The following FCMR variants were observed in gnomAD, a reference collection of about 807,000 sequenced individuals.
FCMR encodes Fc mu receptor.
Under a neutral mutation model 41.6 loss-of-function variants are expected in FCMR, and 34 were observed. That is an observed-to-expected ratio of 0.82 (90% CI 0.62 to 1.09). FCMR has a LOEUF of 1.09. Among genes scored for constraint, FCMR ranks in the 50% least tolerant of loss-of-function variants. FCMR has a pLI of 0.00. For synonymous variants in FCMR, 209 were observed against 211.8 expected, an observed-to-expected ratio of 0.99 and a Z score of 0.12; for missense variants, 496 against 512.5, an observed-to-expected ratio of 0.97 and a Z score of 0.31.
chr1:206,914,778 C>T (rs902955321), intron 1 of FCMR, among the ~76,000 whole-genome samples: 1 of 152,100 alleles, frequency 6.6e-6, no homozygotes, highest in African/African-American at 2.4e-5. Flanking sequence ...CATCCCCAAC[C>T]CTATTCACAA....
chr1:206,915,160 C>T (rs1244000338), intron 1 of FCMR, among the ~76,000 whole-genome samples: 1 of 152,232 alleles, frequency 6.6e-6, no homozygotes, highest in African/African-American at 2.4e-5. Context: ...AAGCAGCCGG[C>T]ATCCCTCCCT....
At chr1:206,914,577 G>C (rs901389782) in intron 1 of FCMR, among the ~76,000 whole-genome samples, 4 of 151,710 alleles carry the variant, frequency 2.6e-5, no homozygotes, top group African/African-American at 9.7e-5. Context: ...GACTACAGGT[G>C]CATGCTGCCA....
rs942117510 is a variant in FCMR, at chr1:206,910,579, T to C, written c.711-239A>G. 3.3e-5 allele frequency among the ~76,000 whole-genome samples: 5 copies of C among 152,184 alleles called. No homozygotes were observed. In the East Asian group the frequency reaches 9.6e-4, roughly 29 times the overall value. Reference sequence around the variant, plus strand: ...TCTCGAACGAGTCTCCTAACCTCTCTGAGCCTTATCTCTCCATAAATAGGT... The same window carrying C: ...TCTCGAACGAGTCTCCTAACCTCTCCGAGCCTTATCTCTCCATAAATAGGT... On this transcript the variant is annotated intron_variant, in intron 4 of 7. Coordinates refer to ENST00000367091, the MANE Select transcript of FCMR (RefSeq NM_005449.5).
At chr1:206,905,223 G>A in intron 7 of FCMR, 76 bp from the exon 8 acceptor site, 1 of 1,523,696 alleles carries the variant, frequency 6.6e-7, no homozygotes, top group South Asian at 1.2e-5. Flanking sequence ...TTTTCATAGT[G>A]GGCAATGGGG....
chr1:206,905,822 G>A (rs762635741), intron 7 of FCMR: 1 of 162,042 alleles, frequency 6.2e-6, no homozygotes, highest in East Asian at 1.8e-4. Flanking sequence ...CCAGCAGCCT[G>A]AATATAGTAG....
Position 206,907,494 on chromosome 1 carries a change from C to A in FCMR, c.1044+1968G>T, listed in dbSNP as rs1437072426. On this transcript the variant is annotated intron_variant, in intron 7 of 7. Transcript: ENST00000367091. ...CCACCTCTTCCTGTCCCTGTCTGAG[C>A]CTTTATTTGGGGAGGGGGAAGTAGG... The A allele has an allele frequency of 1.2e-5, 5 of 420,898 alleles. No individual in the cohort carries two copies. The East Asian group carries it at 2.9e-4, about 25-fold the overall frequency. 26.1% of individuals were successfully genotyped at this position (420,898 alleles called of 1,614,324 possible).
Position 206,913,887 on chromosome 1 carries a change from G to A in FCMR, c.245C>T (p.Pro82Leu). Reference sequence around the variant, plus strand: ...CTCCACTAGGAACAGATTCTTGCGTGGGTATTGCTTCAGAGTAACTCGGCC... The same window carrying A: ...CTCCACTAGGAACAGATTCTTGCGTAGGTATTGCTTCAGAGTAACTCGGCC... ...YKGRVTLKQY[P>L]RKNLFLVEVT... The change falls in exon 2 of 8, where the codon CCA (proline) becomes CTA (leucine). Residue 82 changes from proline to leucine, a missense_variant. Pro to Leu is a moderately conservative substitution (Grantham distance 98). Transcript: ENST00000367091. The A allele has an allele frequency of 6.2e-7, 1 of 1,614,206 alleles. No individual in the cohort carries two copies. The highest frequency in any genetic ancestry group is 8.5e-7 in the Non-Finnish European group (1 of 1,180,022).
chr1:206,909,931 C>G lies in FCMR; in HGVS notation c.842-63G>C, dbSNP rs1678851829. 1 of 1,361,956 alleles carries G rather than the reference C, an allele frequency of 7.3e-7. No individual in the cohort carries two copies. The highest frequency in any genetic ancestry group is 9.5e-7 in the Non-Finnish European group (1 of 1,057,336). The allele number at this position is 1,361,956 out of a possible 1,614,324, so 84.4% of individuals were successfully genotyped here. A position where few individuals can be genotyped will look rare whatever the true frequency, so the allele number is the denominator to read the frequency against. ...CATCAGAGGCCCGTGCCACCCTCCC[C>G]AAACGAAAGGCTGCCTCCTCCCTCG... On this transcript the variant is annotated intron_variant, in intron 5 of 7. Coordinates refer to ENST00000367091, the MANE Select transcript of FCMR (RefSeq NM_005449.5). The surrounding 1 kb of genome is among the most constrained non-coding windows in gnomAD (Gnocchi z 5.0).
intron 1 of FCMR, chr1:206,917,723 C>G (rs949724032): frequency 4.6e-6 from 2 of 434,614 alleles, no homozygotes; most frequent in South Asian, 3.3e-5. Flanking sequence ...ACTTCCTGGG[C>G]TCAATTGAGG....
intron 7 of FCMR, chr1:206,908,346 G>C: frequency 3.3e-6 from 2 of 600,454 alleles, no homozygotes; most frequent in South Asian, 3.9e-5. Context: ...GGCAGCCTGG[G>C]ACATAGGAAG....
At chr1:206,917,894 A>C (rs1362399820) in intron 1 of FCMR, 1 of 438,548 alleles carries the variant, frequency 2.3e-6, no homozygotes, top group Non-Finnish European at 4.5e-6. Flanking sequence ...TTGGGATTAC[A>C]GGCATGAGTC....
chr1:206,909,778 T>A lies in FCMR; in HGVS notation c.932A>T (p.Gln311Leu), dbSNP rs773235214. 11 of 1,459,716 alleles carry A rather than the reference T, an allele frequency of 7.5e-6. No individual in the cohort carries two copies. In the South Asian group the frequency reaches 1.4e-4, roughly 18 times the overall value. The allele number at this position is 1,459,716 out of a possible 1,614,324, so 90.4% of individuals were successfully genotyped here. The change falls in exon 6 of 8, where the codon CAA (glutamine) becomes CTA (leucine). Residue 311 changes from glutamine to leucine, a missense_variant. Coordinates refer to ENST00000367091, the MANE Select transcript of FCMR (RefSeq NM_005449.5). The surrounding 1 kb of genome is among the most constrained non-coding windows in gnomAD (Gnocchi z 5.0). Reference sequence around the variant, plus strand: ...CGGGCAGGCGCTGTAGATGTTGTTTTGGGAGCGCGGTCGCGGCGACCCGCG... The same window carrying A: ...CGGGCAGGCGCTGTAGATGTTGTTTAGGGAGCGCGGTCGCGGCGACCCGCG... ...RPRGSPRPRS[Q>L]NNIYSACPRR...
chr1:206,917,915 G>A (rs549055833), intron 1 of FCMR: 7 of 399,950 alleles, frequency 1.8e-5, no homozygotes, highest in African/African-American at 8.5e-5. Flanking sequence ...TCCATGCCTG[G>A]CTTTGCCCAT....
intron 3 of FCMR, 80 bp downstream of exon 3, chr1:206,912,849 T>G (rs749860): frequency 0.05 from 49,670 of 994,306 alleles, 7,118 homozygotes; most frequent in African/African-American, 0.44. Context: ...CTCTATGAAC[T>G]GAACATAGAC....
chr1:206,907,953 C>T (rs1266246265), intron 7 of FCMR: 50 of 1,408,968 alleles, frequency 3.5e-5, no homozygotes, highest in East Asian at 9.2e-5. Context: ...TACTGCCCTA[C>T]GACAAGAAAA....
chr1:206,904,637 T>C lies in FCMR; in HGVS notation c.*382A>G, dbSNP rs917241555. 3.9e-5 allele frequency: 9 copies of C among 231,374 alleles called. No homozygotes were observed. Among genetic ancestry groups the C allele is most frequent in the Non-Finnish European group, 6.1e-5 (7 of 114,874 alleles). The allele number at this position is 231,374 out of a possible 1,614,324, so 14.3% of individuals were successfully genotyped here. A position where few individuals can be genotyped will look rare whatever the true frequency, so the allele number is the denominator to read the frequency against. On this transcript the variant is annotated 3_prime_UTR_variant, in exon 8 of 8. Coordinates refer to ENST00000367091, the MANE Select transcript of FCMR (RefSeq NM_005449.5). ...ACCCTGGGAAGGATGCCCGAGACAA[T>C]AGCTATGCCTCTGCCCCAGCCTGAT...
In FCMR at chr1:206,913,823, G is replaced by A. The variant is rs780762900; in HGVS notation, c.309C>T (p.Ala103=). ...GGTCTGTGTTCATGCCCGCTCCGCA[G>A]GCATAGACTCCGCTGTCACTTTCTG... ...QLTESDSGVY[A]CGAGMNTDRG... is the part of the protein sequence containing the mutation. The change falls in exon 2 of 8, where the codon GCC becomes GCT. Residue 103 remains alanine (A), a synonymous_variant. Transcript: ENST00000367091. 1 of 1,614,236 alleles carries A rather than the reference G, an allele frequency of 6.2e-7. No individual in the cohort carries two copies. Among genetic ancestry groups the A allele is most frequent in the East Asian group, 2.2e-5 (1 of 44,890 alleles).
At chr1:206,907,898 G>T in intron 7 of FCMR, 1 of 1,272,596 alleles carries the variant, frequency 7.9e-7, no homozygotes, top group Non-Finnish European at 1.1e-6. Context: ...GAGACCAAGT[G>T]AGGCCAGGCC....
chr1:206,910,466 T>A, intron 4 of FCMR, 126 bp from the exon 5 acceptor site: 1 of 641,882 alleles, frequency 1.6e-6, no homozygotes, highest in Non-Finnish European at 2.4e-6. Context: ...TTAACAGAAT[T>A]CACTCCACTC....
Sources: allele counts gnomAD v4.1 joint callset (sites outside exome capture counted in the v4.1 genomes callset), GRCh38; gene constraint gnomAD v4.1.1; non-coding constraint Gnocchi (gnomAD v3.1); transcripts MANE v1.5; gene names NCBI Gene and HGNC (gene_info 2026-07-23, HGNC 2026-07-21).